The following CEP104 variants were observed in gnomAD, a reference collection of about 807,000 sequenced individuals.
CEP104 encodes centrosomal protein 104, also known as centrosomal protein of 104 kDa.
CEP104 carries 84 observed loss-of-function variants against 113.3 expected under a neutral mutation model. The ratio of observed to expected loss-of-function variants is 0.74; its 90% CI spans 0.62 to 0.89. The LOEUF is 0.89. Among genes scored for constraint, CEP104 ranks in the 40% least tolerant of loss-of-function variants. The pLI is 0.00. For synonymous variants in CEP104, 378 were observed against 421.7 expected, an observed-to-expected ratio of 0.90 and a Z score of 1.27; for missense variants, 1,053 against 1,156.6, an observed-to-expected ratio of 0.91 and a Z score of 1.30.
At chr1:3,826,901 C>T (rs1644103429) in intron 15 of CEP104, among the ~76,000 whole-genome samples, 157 bp from the exon 16 acceptor site, 1 of 152,178 alleles carries the variant, frequency 6.6e-6, no homozygotes. Flanking sequence ...AATCCCAGCA[C>T]TTTGGGAGGC....
intron 11 of CEP104, 141 bp downstream of exon 11, chr1:3,834,784 T>G (rs1644278156): frequency 1.4e-6 from 1 of 708,158 alleles, no homozygotes; most frequent in African/African-American, 1.8e-5. Flanking sequence ...AGAACCTCAT[T>G]TCTTAGTGAT....
Position 3,815,389 on chromosome 1 carries a change from CCCGAGCG to C in CEP104, c.*6_*12del. On this transcript the variant is annotated 3_prime_UTR_variant, in exon 22 of 22. Coordinates refer to ENST00000378230, the MANE Select transcript of CEP104 (RefSeq NM_014704.4). The stretch of plus-strand genomic sequence containing the variant: ...TCCATCCCTCACAGAGACCAAGGAG[CCCGAGCG>C]CCGCGTCAGCGCTTGGCGTACGTCC... 20 of 1,581,448 alleles carry C rather than the reference CCCGAGCG, an allele frequency of 1.3e-5. No individual in the cohort carries two copies. Among genetic ancestry groups the C allele is most frequent in the Non-Finnish European group, 1.7e-5 (20 of 1,158,622 alleles).
chr1:3,823,625 C>A lies in CEP104; in HGVS notation c.2365-63G>T. The A allele has an allele frequency of 6.2e-7, 1 of 1,607,326 alleles. No individual in the cohort carries two copies. Among genetic ancestry groups the A allele is most frequent in the Non-Finnish European group, 8.5e-7 (1 of 1,176,244 alleles). ...AAAGCGGCAGCGCCCTCCAGCCAGC[C>A]TGCAGAGCCTGTGAGCGCCTCCCCT... On this transcript the variant is annotated intron_variant, in intron 18 of 21. Transcript: ENST00000378230. The surrounding 1 kb of genome is among the most constrained non-coding windows in gnomAD (Gnocchi z 4.1).
At chr1:3,843,348 C>T (rs760933401) in intron 6 of CEP104, 38 of 511,352 alleles carry the variant, frequency 7.4e-5, no homozygotes, top group African/African-American at 4.9e-4. Flanking sequence ...AAAGAGGAAG[C>T]GGCAACAGCA....
At chr1:3,827,263 G>C (rs1644109996) in intron 15 of CEP104, among the ~76,000 whole-genome samples, 1 of 152,116 alleles carries the variant, frequency 6.6e-6, no homozygotes, top group South Asian at 2.1e-4. Context: ...CTGTTGCCTA[G>C]GTTGGAAGTG....
At chr1:3,831,932 G>A (rs1396783135) in intron 12 of CEP104, among the ~76,000 whole-genome samples, 1 of 152,154 alleles carries the variant, frequency 6.6e-6, no homozygotes, top group African/African-American at 2.4e-5. Context: ...AAGAGAAGAA[G>A]AGCATTCTCC....
Position 3,814,668 on chromosome 1 carries a change from C to T in CEP104, c.*734G>A, listed in dbSNP as rs1308060775. 1 of 152,266 alleles carries T rather than the reference C, an allele frequency of 6.6e-6. No homozygotes were observed. Among genetic ancestry groups the T allele is most frequent in the Non-Finnish European group, 1.5e-5 (1 of 68,058 alleles). 9.4% of individuals were successfully genotyped at this position (152,266 alleles called of 1,614,324 possible). A position where few individuals can be genotyped will look rare whatever the true frequency, so the allele number is the denominator to read the frequency against. ...CGGGAAGGGCCCACACCTGTGTCTACCTCAGTTCCAGCAGGGAGCTGATGC... is the reference window on the plus strand; with the variant it reads ...CGGGAAGGGCCCACACCTGTGTCTATCTCAGTTCCAGCAGGGAGCTGATGC... On this transcript the variant is annotated 3_prime_UTR_variant, in exon 22 of 22. Transcript: ENST00000378230.
intron 1 of CEP104, chr1:3,855,922 C>T (rs1570872333): frequency 3.0e-6 from 3 of 985,270 alleles, no homozygotes; most frequent in Middle Eastern, 5.2e-4. Context: ...ATCGACATCC[C>T]GACAAATGCC....
intron 14 of CEP104, 126 bp downstream of exon 14, chr1:3,829,665 C>T: frequency 1.9e-6 from 2 of 1,034,610 alleles, no homozygotes; most frequent in Non-Finnish European, 2.9e-6. Flanking sequence ...TCTTTCTTAG[C>T]CAGGACGCCG....
chr1:3,853,962 A>G (rs1001648787), intron 1 of CEP104, among the ~76,000 whole-genome samples: 6 of 152,166 alleles, frequency 3.9e-5, no homozygotes, highest in Non-Finnish European at 7.3e-5. Flanking sequence ...TTTTGAAAGG[A>G]TGAGTGTGAT....
intron 11 of CEP104, among the ~76,000 whole-genome samples, 193 bp from the exon 12 acceptor site, chr1:3,834,228 T>A (rs1260998430): frequency 6.6e-6 from 1 of 152,240 alleles, no homozygotes; most frequent in African/African-American, 2.4e-5. Flanking sequence ...ATGCTCTTAC[T>A]TCACTCTGTC....
chr1:3,845,362 G>T lies in CEP104; in HGVS notation c.427-11C>A. On this transcript the variant is annotated splice_polypyrimidine_tract_variant and intron_variant, in intron 4 of 21. Coordinates refer to ENST00000378230, the MANE Select transcript of CEP104 (RefSeq NM_014704.4). ...GGCAACCAAAGCAACCTAAGAAAGT[G>T]TTAAAATAACAGAATTAAATATACA... 1 of 1,569,726 alleles carries T rather than the reference G, an allele frequency of 6.4e-7. No homozygotes were observed. The highest frequency in any genetic ancestry group is 8.7e-7 in the Non-Finnish European group (1 of 1,144,562).
chr1:3,855,907 C>A (rs544572647), intron 1 of CEP104: 1 of 985,296 alleles, frequency 1.0e-6, no homozygotes, highest in Non-Finnish European at 1.2e-6. Flanking sequence ...GTCCCAGGGG[C>A]AGCCATCGAC....
In CEP104 at chr1:3,854,870, A is replaced by ATTTT. The variant is rs36065862; in HGVS notation, c.-15+2015_-15+2018dup. 1.2e-4 allele frequency among the ~76,000 whole-genome samples: 15 copies of ATTTT among 122,962 alleles called. 1 individual carries two copies. The highest frequency in any genetic ancestry group is 2.4e-4 in the East Asian group (1 of 4,192). The allele number at this position is 122,962 out of a possible 152,430, so 80.7% of individuals were successfully genotyped here. A position where few individuals can be genotyped will look rare whatever the true frequency, so the allele number is the denominator to read the frequency against. On this transcript the variant is annotated intron_variant, in intron 1 of 21. Transcript: ENST00000378230. ...CAGGCTGTTGGGTTCCAGTCTCCAAATTTTTTTTTTTTTTTTTTTGAGAGA... is the reference window on the plus strand; with the variant it reads ...CAGGCTGTTGGGTTCCAGTCTCCAAATTTTTTTTTTTTTTTTTTTTTTTGAGAGA...
chr1:3,823,096 ACACCACCACTGT>A lies in CEP104; in HGVS notation c.2571+66_2571+77del, dbSNP rs1644010981. 5 of 1,356,444 alleles carry A rather than the reference ACACCACCACTGT, an allele frequency of 3.7e-6. No individual in the cohort carries two copies. The Middle Eastern group carries it at 7.0e-4, about 189-fold the overall frequency. The allele number at this position is 1,356,444 out of a possible 1,614,324, so 84.0% of individuals were successfully genotyped here. A position where few individuals can be genotyped will look rare whatever the true frequency, so the allele number is the denominator to read the frequency against. On this transcript the variant is annotated intron_variant, in intron 20 of 21. Transcript: ENST00000378230. This position sits in a 1 kb window ranked among gnomAD's most constrained non-coding sequence, Gnocchi z 4.1. ...ACTCTGTGGCTATGGTCCCGCACTG[ACACCACCACTGT>A]CACCACCACTGCCATCCACAGGTGT...
At chr1:3,820,730 G>C (rs569270095) in intron 20 of CEP104, among the ~76,000 whole-genome samples, 1 of 152,206 alleles carries the variant, frequency 6.6e-6, no homozygotes, top group Non-Finnish European at 1.5e-5. Flanking sequence ...TGGGACCCCC[G>C]TCACCAGTGG....
In CEP104 at chr1:3,825,747, G is replaced by A. The variant is rs745405732; in HGVS notation, c.2364+11C>T. ...CATGCAAGTAGCTGGCTGCTGTGCC[G>A]CTGGCCTGACCTGTTTGCAGTGGTC... On this transcript the variant is annotated intron_variant, in intron 18 of 21. Transcript: ENST00000378230. 2.5e-6 allele frequency: 4 copies of A among 1,577,906 alleles called. No individual in the cohort carries two copies. The highest frequency in any genetic ancestry group is 2.2e-5 in the East Asian group (1 of 44,664).
At chr1:3,843,978 T>G (rs1205802934) in intron 6 of CEP104, among the ~76,000 whole-genome samples, 1 of 152,078 alleles carries the variant, frequency 6.6e-6, no homozygotes, top group Non-Finnish European at 1.5e-5. Flanking sequence ...GCCAGGCTGG[T>G]CTTGAACTCC....
intron 4 of CEP104, among the ~76,000 whole-genome samples, chr1:3,846,830 T>C (rs79289264): frequency 7.9e-5 from 12 of 152,222 alleles, no homozygotes; most frequent in African/African-American, 2.9e-4. Context: ...ATTAACAAGA[T>C]TGCTTTGGAC....
Sources: gnomAD v4.1 joint callset for allele counts (sites outside exome capture counted in the v4.1 genomes callset) on GRCh38, gnomAD v4.1.1 for gene constraint, Gnocchi (gnomAD v3.1) non-coding constraint, MANE v1.5 for transcripts, NCBI Gene and HGNC (gene_info 2026-07-23, HGNC 2026-07-21) for gene names.